Variants in NTM observed in about 807,000 individuals in gnomAD.
NTM encodes neurotrimin, also known as IgLON family member 2.
A neutral mutation model predicts 42.1 loss-of-function variants in NTM; 13 were observed. That is an observed-to-expected ratio of 0.31 (90% CI 0.20 to 0.49). The LOEUF (loss-of-function observed/expected upper bound fraction) is 0.49. Among genes scored for constraint, NTM ranks in the 20% least tolerant of loss-of-function variants. NTM has a pLI of 0.99. For missense variants in NTM, 373 were observed against 452.8 expected (o/e 0.82, Z 1.60); for synonymous variants, 187 against 179.2 (o/e 1.04, Z -0.35).
intron 1 of NTM, among the ~76,000 whole-genome samples, chr11:131,561,586 C>A (rs1052570662): frequency 6.6e-6 from 1 of 152,272 alleles, no homozygotes; most frequent in South Asian, 2.1e-4. Context: ...CCCAGAGGAT[C>A]CCCTACAACC....
At chr11:131,942,446 A>T (rs1305147957) in intron 2 of NTM, among the ~76,000 whole-genome samples, 2 of 152,156 alleles carry the variant, frequency 1.3e-5, no homozygotes, top group African/African-American at 4.8e-5. Context: ...TCCTGGAAGC[A>T]GCACCTAGAA....
At chr11:131,405,031 A>G (rs1205276633) in intron 1 of NTM, among the ~76,000 whole-genome samples, 7 of 152,158 alleles carry the variant, frequency 4.6e-5, no homozygotes, top group Non-Finnish European at 7.4e-5. Context: ...GCTTTATGGG[A>G]CCAAAGACAG....
intron 1 of NTM, among the ~76,000 whole-genome samples, chr11:131,692,268 A>C (rs1249903453): frequency 6.6e-6 from 1 of 152,208 alleles, no homozygotes; most frequent in Non-Finnish European, 1.5e-5. Context: ...TCCATCTCCC[A>C]TGCAGATCTC....
intron 1 of NTM, among the ~76,000 whole-genome samples, chr11:131,904,363 A>AGG (rs1411559283): frequency 6.6e-6 from 1 of 152,084 alleles, no homozygotes; most frequent in Non-Finnish European, 1.5e-5. Flanking sequence ...TGCCATTCCT[A>AGG]GGGCTCTTTC....
At chr11:132,242,999 A>G (rs3099796) in intron 4 of NTM, among the ~76,000 whole-genome samples, 101,101 of 152,052 alleles carry the variant, frequency 0.66, 34,057 homozygotes, top group Middle Eastern at 0.8. Flanking sequence ...CAGGGACTGA[A>G]TTTCAAGAAA....
chr11:132,115,570 G>A (rs1034757828), intron 2 of NTM, among the ~76,000 whole-genome samples: 1 of 152,170 alleles, frequency 6.6e-6, no homozygotes, highest in Non-Finnish European at 1.5e-5. Flanking sequence ...AGGAATTTGG[G>A]AAAGAGGAGA....
intron 1 of NTM, among the ~76,000 whole-genome samples, chr11:131,500,102 ACTCC>A: frequency 6.6e-6 from 1 of 151,688 alleles, no homozygotes; most frequent in Non-Finnish European, 1.5e-5. Context: ...GGGCCTTCTC[ACTCC>A]CACGTGACAT....
chr11:131,964,640 C>T (rs955141570), intron 2 of NTM, among the ~76,000 whole-genome samples: 1 of 152,182 alleles, frequency 6.6e-6, no homozygotes, highest in African/African-American at 2.4e-5. Flanking sequence ...GGTCTCTCTT[C>T]ATTATGGAAT....
At chr11:132,254,660 C>T (rs74972211) in intron 4 of NTM, among the ~76,000 whole-genome samples, 2,675 of 152,214 alleles carry the variant, frequency 0.018, 90 homozygotes, top group African/African-American at 0.06. Flanking sequence ...CTATAAAAGA[C>T]TCGGTTTCTG....
chr11:132,279,229 T>G (rs573703159), intron 4 of NTM, among the ~76,000 whole-genome samples: 1 of 152,334 alleles, frequency 6.6e-6, no homozygotes. Flanking sequence ...CCTTTTAATA[T>G]ATTACATTCT....
chr11:132,273,354 T>G (rs545630039), intron 4 of NTM, among the ~76,000 whole-genome samples: 3 of 134,500 alleles, frequency 2.2e-5, no homozygotes, highest in African/African-American at 8.3e-5. Flanking sequence ...ATTCCACATA[T>G]GTATTCATAA....
chr11:131,907,018 C>A (rs1192628842), intron 1 of NTM, among the ~76,000 whole-genome samples: 1 of 152,328 alleles, frequency 6.6e-6, no homozygotes, highest in South Asian at 2.1e-4. Flanking sequence ...TTTACACATC[C>A]TTTTCTGATT....
intron 1 of NTM, among the ~76,000 whole-genome samples, chr11:131,708,995 C>T (rs567843770): frequency 3.3e-5 from 5 of 152,060 alleles, no homozygotes; most frequent in East Asian, 1.9e-4. Context: ...TGAACAAATG[C>T]GTGAAAGCCA....
intron 1 of NTM, among the ~76,000 whole-genome samples, chr11:131,445,924 G>C (rs1370183134): frequency 6.6e-6 from 1 of 152,190 alleles, no homozygotes; most frequent in South Asian, 2.1e-4. Context: ...TCCCTACAAG[G>C]ATAGATCTGA....
At chr11:131,529,950 T>C (rs2051016119) in intron 1 of NTM, among the ~76,000 whole-genome samples, 2 of 152,074 alleles carry the variant, frequency 1.3e-5, no homozygotes, top group African/African-American at 2.4e-5. Flanking sequence ...TCACACACTA[T>C]TACAGAGTTT....
At chr11:132,068,700 C>T (rs1771187508) in intron 2 of NTM, among the ~76,000 whole-genome samples, 1 of 152,206 alleles carries the variant, frequency 6.6e-6, no homozygotes. Context: ...TAAGAGACAT[C>T]AAAAGGGGTG....
chr11:132,254,840 A>G (rs1451695264), intron 4 of NTM, among the ~76,000 whole-genome samples: 1 of 151,970 alleles, frequency 6.6e-6, no homozygotes, highest in African/African-American at 2.4e-5. Flanking sequence ...GGCGCCATTG[A>G]TATTTAGGCT....
intron 1 of NTM, among the ~76,000 whole-genome samples, chr11:131,753,388 T>A (rs912213127): frequency 7.0e-6 from 1 of 142,198 alleles, no homozygotes; most frequent in African/African-American, 3.0e-5. Context: ...ATCCCATTAC[T>A]GGGTATATAA....
At chr11:132,158,559 T>C (rs2073679394) in intron 3 of NTM, among the ~76,000 whole-genome samples, 1 of 152,262 alleles carries the variant, frequency 6.6e-6, no homozygotes, top group Admixed American at 6.5e-5. Flanking sequence ...TGATCTGGCA[T>C]GTTCATTGTT....
Sources: allele counts gnomAD v4.1 joint callset (sites outside exome capture counted in the v4.1 genomes callset), GRCh38; gene constraint gnomAD v4.1.1; transcripts MANE v1.5; gene names NCBI Gene and HGNC (gene_info 2026-07-23, HGNC 2026-07-21).